The following NR1D1 variants were observed in gnomAD, a reference collection of about 807,000 sequenced individuals.
NR1D1 encodes nuclear receptor subfamily 1 group D member 1, also known as Rev-ErbAalpha.
Under a neutral mutation model 51.1 loss-of-function variants are expected in NR1D1, and 17 were observed. The ratio of observed to expected loss-of-function variants is 0.33; its 90% CI spans 0.23 to 0.50. The LOEUF is 0.50. NR1D1 is among the 20% of genes least tolerant of loss of function. The pLI is 0.98. For synonymous variants in NR1D1, 341 were observed against 333.4 expected (o/e 1.02, Z -0.25); for missense variants, 647 against 830.4 (o/e 0.78, Z 2.71).
intron 1 of NR1D1, among the ~76,000 whole-genome samples, chr17:40,097,626 T>C (rs1043117236): frequency 2.0e-5 from 3 of 152,312 alleles, no homozygotes; most frequent in African/African-American, 7.2e-5. Flanking sequence ...CAGCTTCTGC[T>C]TTCAGTATGA....
At chr17:40,100,034 GA>G (rs1567661711) in intron 1 of NR1D1, 29 bp downstream of exon 1, 4 of 1,542,238 alleles carry the variant, frequency 2.6e-6, no homozygotes, top group Non-Finnish European at 2.7e-6. Flanking sequence ...CAGTGACAGG[GA>G]AAAGATGATA....
chr17:40,095,282 G>A (rs1987729077), intron 5 of NR1D1, among the ~76,000 whole-genome samples, 162 bp from the exon 6 acceptor site: 1 of 152,176 alleles, frequency 6.6e-6, no homozygotes, highest in African/African-American at 2.4e-5. Context: ...TGGAGATTAG[G>A]GATTCCCAGG....
chr17:40,095,264 G>A (rs1987728605), intron 5 of NR1D1, 144 bp from the exon 6 acceptor site: 1 of 1,127,012 alleles, frequency 8.9e-7, no homozygotes, highest in Admixed American at 2.9e-5. Flanking sequence ...TAGCAATTAG[G>A]TGCCAGGTGG....
chr17:40,095,209 T>G (rs1987727380), intron 5 of NR1D1, 89 bp from the exon 6 acceptor site: 1 of 1,370,086 alleles, frequency 7.3e-7, no homozygotes, highest in Admixed American at 2.1e-5. Flanking sequence ...AGATTCTGCC[T>G]GGGCTAGGGG....
At chr17:40,094,772 C>T (rs2145099728) in intron 6 of NR1D1, among the ~76,000 whole-genome samples, 163 bp downstream of exon 6, 1 of 152,348 alleles carries the variant, frequency 6.6e-6, no homozygotes, top group African/African-American at 2.4e-5. Context: ...GTGGCGGGAA[C>T]CTGTAATCCC....
In NR1D1 at chr17:40,093,023, A is replaced by T. The variant is rs201029306; in HGVS notation, c.*60T>A. On this transcript the variant is annotated 3_prime_UTR_variant, in exon 8 of 8. Transcript: ENST00000246672. The surrounding 1 kb of genome is among the most constrained non-coding windows in gnomAD (Gnocchi z 5.9). The stretch of plus-strand genomic sequence containing the variant: ...TTTTCCTTTTCGTCTCGTAAAGGAG[A>T]GAGAAGTGCAGAGTTCGATTCTGTA... 3.7e-5 allele frequency: 59 copies of T among 1,610,114 alleles called. No individual in the cohort carries two copies. Among genetic ancestry groups the T allele is most frequent in the Non-Finnish European group, 4.8e-5 (57 of 1,176,784 alleles).
Position 40,095,027 on chromosome 17 carries a change from G to A in NR1D1, c.1342C>T (p.Arg448Trp), listed in dbSNP as rs200117292. Reference protein sequence around the residue: ...DFSMSFTPAVREVVEFAKHIP... With the variant: ...DFSMSFTPAVWEVVEFAKHIP... ...TGTTTGGCAAACTCTACCACCTCCC[G>A]CACAGCGGGCGTGAAGCTCATGGAG... The change falls in exon 6 of 8, where the codon CGG (arginine) becomes TGG (tryptophan). Residue 448 changes from arginine to tryptophan, a missense_variant. Physicochemically the swap from Arg to Trp is moderately radical, Grantham distance 101. Around this residue, in one of 7 missense-constraint regions of NR1D1, gnomAD observed 155 missense variants for 236.8 expected, o/e 0.65. Transcript: ENST00000246672. 6 of 1,614,010 alleles carry A rather than the reference G, an allele frequency of 3.7e-6. No homozygotes were observed. Among genetic ancestry groups the A allele is most frequent in the African/African-American group, 1.3e-5 (1 of 74,952 alleles).
chr17:40,095,119 G>C lies in NR1D1; in HGVS notation c.1250C>G (p.Ala417Gly). Residue 417 changes from alanine to glycine, a missense_variant and splice_region_variant, in exon 6 of 8, where the codon GCA becomes GGA. Ala to Gly is a moderately conservative substitution (Grantham distance 60, BLOSUM62 0). Coordinates refer to ENST00000246672, the MANE Select transcript of NR1D1 (RefSeq NM_021724.5). The stretch of plus-strand genomic sequence containing the variant: ...ATGCGGGTACATGTTCATAGGACAT[G>C]CCTGGGGGAGGAAAAGATTGAAGGA... The part of the protein sequence containing the change: ...RQGNSKNVLL[A>G]CPMNMYPHGR... 1 of 1,600,618 alleles carries C rather than the reference G, an allele frequency of 6.2e-7. No homozygotes were observed.
chr17:40,097,734 G>A (rs1304784062), intron 1 of NR1D1, among the ~76,000 whole-genome samples: 2 of 152,178 alleles, frequency 1.3e-5, no homozygotes, highest in African/African-American at 4.8e-5. Context: ...GTCAGTTGAA[G>A]ATCTGGGGAT....
chr17:40,096,109 A>T, intron 4 of NR1D1, 22 bp from the exon 5 acceptor site: 1 of 1,606,856 alleles, frequency 6.2e-7, no homozygotes, highest in Admixed American at 1.7e-5. Context: ...TGAGAACAGC[A>T]TCAGGAAGTT....
chr17:40,094,804 A>G, intron 6 of NR1D1, 131 bp downstream of exon 6: 8 of 767,152 alleles, frequency 1.0e-5, no homozygotes, highest in Admixed American at 5.5e-5. Flanking sequence ...AGGCTGAGGT[A>G]GGAGAATTGC....
rs1465029102 is a variant in NR1D1 at position 40,092,932 on chromosome 17, A to G, written c.*151T>C. ...GGGAGGGAGGCAGGTATTTACAAGA[A>G]GGCTCAGGGGGCCAGAGGCTCATCT... is the stretch of plus-strand genomic sequence containing the variant. On this transcript the variant is annotated 3_prime_UTR_variant, in exon 8 of 8. Transcript: ENST00000246672. 4.0e-6 allele frequency: 6 copies of G among 1,513,278 alleles called. No individual in the cohort carries two copies. In the African/African-American group the frequency reaches 8.4e-5, roughly 21 times the overall value. The allele number at this position is 1,513,278 out of a possible 1,614,324, so 93.7% of individuals were successfully genotyped here. A position where few individuals can be genotyped will look rare whatever the true frequency, so the allele number is the denominator to read the frequency against.
Position 40,095,743 on chromosome 17 carries a change from T to G in NR1D1, c.949A>C (p.Asn317His). The G allele has an allele frequency of 6.2e-7, 1 of 1,614,016 alleles. No individual in the cohort carries two copies. The highest frequency in any genetic ancestry group is 2.2e-5 in the East Asian group (1 of 44,866). The change falls in exon 5 of 8, where the codon AAC becomes CAC. Residue 317 changes from asparagine to histidine, a missense_variant. Physicochemically the swap from Asn to His is moderately conservative, Grantham distance 68 (BLOSUM62 1). This residue lies in a region of NR1D1 where 185 missense variants were observed against 176.3 expected (regional missense o/e 1.05). Coordinates refer to ENST00000246672, the MANE Select transcript of NR1D1 (RefSeq NM_021724.5). ...LGSSPGNFNA[N>H]HASGSPPATT... ...GCTGGAGGGCTACCTGATGCATGGT[T>G]GGCATTGAAGTTGCCAGGTGAGCTG...
rs1362015510 is a variant in NR1D1 at position 40,093,871 on chromosome 17, C to T, written c.1645+41G>A. ...ATAAAAGGTGTGTTGAATTGAACTG[C>T]GTCTGCCTCCTCCCCCGGGTCAGGC... On this transcript the variant is annotated intron_variant, in intron 7 of 7. Transcript: ENST00000246672. This position sits in a 1 kb window ranked among gnomAD's most constrained non-coding sequence, Gnocchi z 5.9. 1.0e-5 allele frequency: 16 copies of T among 1,584,744 alleles called. No homozygotes were observed. The highest frequency in any genetic ancestry group is 3.3e-5 in the Admixed American group (2 of 59,840).
chr17:40,099,354 G>C (rs1004693194), intron 1 of NR1D1, among the ~76,000 whole-genome samples: 1 of 152,224 alleles, frequency 6.6e-6, no homozygotes, highest in Non-Finnish European at 1.5e-5. Flanking sequence ...CGACCGGGGG[G>C]GCGGAGCTCA....
chr17:40,099,215 G>A (rs960830871), intron 1 of NR1D1, among the ~76,000 whole-genome samples: 1 of 152,166 alleles, frequency 6.6e-6, no homozygotes. Flanking sequence ...CTCGCTTCCC[G>A]TCAATCGAGA....
Position 40,096,700 on chromosome 17 carries a change from C to T in NR1D1, c.450G>A (p.Glu150=), listed in dbSNP as rs140173371. ...CCCCAGTCCGCCTCACCTTGCAGCC[C>T]TCGCAGGCGTGCACACCGTAGTGGA... is the stretch of plus-strand genomic sequence containing the variant. ...SGFHYGVHAC[E]GCKGFFRRSI... is the part of the protein sequence containing the mutation. The change falls in exon 3 of 8, where the codon GAG becomes GAA. Residue 150 remains glutamate, a synonymous_variant. Coordinates refer to ENST00000246672, the MANE Select transcript of NR1D1 (RefSeq NM_021724.5). 16 of 1,614,098 alleles carry T rather than the reference C, an allele frequency of 9.9e-6. No homozygotes were observed. The African/African-American group carries it at 1.9e-4, about 19-fold the overall frequency.
intron 2 of NR1D1, 84 bp downstream of exon 2, chr17:40,096,981 C>T (rs1987776182): frequency 7.3e-7 from 1 of 1,371,478 alleles, no homozygotes; most frequent in South Asian, 1.3e-5. Context: ...TAGGTCCTGG[C>T]AAGACTGGTG....
Position 40,100,179 on chromosome 17 carries a change from T to A in NR1D1, c.-85A>T. 3 of 1,072,800 alleles carry A rather than the reference T, an allele frequency of 2.8e-6. No individual in the cohort carries two copies. The highest frequency in any genetic ancestry group is 4.4e-6 in the Non-Finnish European group (3 of 689,166). 66.5% of individuals were successfully genotyped at this position (1,072,800 alleles called of 1,614,324 possible). ...ATCGCCGCTGTTGCCCCCTGGGCAC[T>A]GGCTAAGGGCGGGGAGTGGACCCCG... On this transcript the variant is annotated 5_prime_UTR_variant, in exon 1 of 8. Coordinates refer to ENST00000246672, the MANE Select transcript of NR1D1 (RefSeq NM_021724.5).
Sources: gnomAD v4.1 joint callset for allele counts (sites outside exome capture counted in the v4.1 genomes callset) on GRCh38, gnomAD v4.1.1 for gene constraint, gnomAD v4.1.1 regional missense constraint, Gnocchi (gnomAD v3.1) non-coding constraint, MANE v1.5 for transcripts, NCBI Gene and HGNC (gene_info 2026-07-23, HGNC 2026-07-21) for gene names.